THRB: variants seen among roughly 807,000 people sequenced by gnomAD.
THRB encodes nuclear receptor subfamily 1 group A member 2.
A neutral mutation model predicts 47.8 loss-of-function variants in THRB; 12 were observed. The ratio of observed to expected loss-of-function variants is 0.25; its 90% CI spans 0.16 to 0.41. The LOEUF (loss-of-function observed/expected upper bound fraction) is 0.41, where lower values mean the gene tolerates loss of function less well. Among genes scored for constraint, THRB ranks in the 10% least tolerant of loss-of-function variants. THRB has a pLI of 1.00. For synonymous variants in THRB, 218 were observed against 212.2 expected, an observed-to-expected ratio of 1.03 and a Z score of -0.24; for missense variants, 348 against 589.2, an observed-to-expected ratio of 0.59 and a Z score of 4.24.
rs1046407290 is a variant in THRB at position 24,121,785 on chromosome 3, A to C, written c.*1099T>G. ...ATGAGGCAAGGAGCTTGAGGATCTA[A>C]CCAGGAGGAAGCGTCCTCCAGCCAT... On this transcript the variant is annotated 3_prime_UTR_variant, in exon 11 of 11. Coordinates refer to ENST00000646209, the MANE Select transcript of THRB (RefSeq NM_001354712.2). 4 of 152,358 alleles carry C rather than the reference A, an allele frequency of 2.6e-5. No individual in the cohort carries two copies. Among genetic ancestry groups the C allele is most frequent in the African/African-American group, 9.7e-5 (4 of 41,450 alleles). 9.4% of individuals were successfully genotyped at this position (152,358 alleles called of 1,614,324 possible).
At chr3:24,430,369 G>A (rs1214116309) in intron 1 of THRB, among the ~76,000 whole-genome samples, 1 of 152,092 alleles carries the variant, frequency 6.6e-6, no homozygotes, top group East Asian at 1.9e-4. Flanking sequence ...GAAGATCAAA[G>A]GGGAACTCAT....
rs574467224 is a variant in THRB, at chr3:24,481,868, G to A, written c.-261+12784C>T. On this transcript the variant is annotated intron_variant, in intron 1 of 10. Transcript: ENST00000646209. ...AAAAAAAAAAAAATCCAGAACAAGG[G>A]AATCCTGAGCAGGCTGGAATCCTGA... Among the ~76,000 whole-genome samples, 20 of 150,912 alleles carry A rather than the reference G, an allele frequency of 1.3e-4. 1 individual carries two copies. The South Asian group carries it at 4.2e-3, about 32-fold the overall frequency.
chr3:24,121,378 T>C lies in THRB; in HGVS notation c.*1506A>G, dbSNP rs1324663189. ...TGTTTTTAGGTAAATCTCACTGATATGGCTTATTTTCCCCAATATTTCCAG... is the reference window on the plus strand; with the variant it reads ...TGTTTTTAGGTAAATCTCACTGATACGGCTTATTTTCCCCAATATTTCCAG... On this transcript the variant is annotated 3_prime_UTR_variant, in exon 11 of 11. Transcript: ENST00000646209. 1.3e-5 allele frequency: 2 copies of C among 152,690 alleles called. No homozygotes were observed. The highest frequency in any genetic ancestry group is 2.9e-5 in the Non-Finnish European group (2 of 68,052). 9.5% of individuals were successfully genotyped at this position (152,690 alleles called of 1,614,324 possible). A position where few individuals can be genotyped will look rare whatever the true frequency, so the allele number is the denominator to read the frequency against.
At chr3:24,288,436 C>T (rs1052213411) in intron 3 of THRB, among the ~76,000 whole-genome samples, 21 of 152,332 alleles carry the variant, frequency 1.4e-4, no homozygotes, top group African/African-American at 5.1e-4. Flanking sequence ...GAACTAGGTT[C>T]TGCAGGATTC....
chr3:24,448,031 T>C (rs2072272454), intron 1 of THRB, among the ~76,000 whole-genome samples: 1 of 152,062 alleles, frequency 6.6e-6, no homozygotes, highest in Admixed American at 6.5e-5. Flanking sequence ...GCGATCTTGT[T>C]GGTCAGCAAG....
At chr3:24,394,980 T>C (rs1308357839) in intron 1 of THRB, among the ~76,000 whole-genome samples, 2 of 152,122 alleles carry the variant, frequency 1.3e-5, no homozygotes, top group African/African-American at 4.8e-5. Flanking sequence ...AAATTTATTA[T>C]TGGCATAGAT....
chr3:24,399,092 T>G (rs1202406751), intron 1 of THRB, among the ~76,000 whole-genome samples: 8 of 143,222 alleles, frequency 5.6e-5, no homozygotes, highest in East Asian at 2.1e-4. Context: ...GTGGGGGGAG[T>G]GGGGAGGGAT....
chr3:24,135,845 A>AT (rs2034578630), intron 8 of THRB, among the ~76,000 whole-genome samples: 2 of 114,118 alleles, frequency 1.8e-5, no homozygotes, highest in East Asian at 5.7e-4. Flanking sequence ...ATATATATAT[A>AT]TAATACATAA....
At chr3:24,321,241 G>A (rs1220845200) in intron 2 of THRB, among the ~76,000 whole-genome samples, 1 of 152,072 alleles carries the variant, frequency 6.6e-6, no homozygotes, top group East Asian at 1.9e-4. Flanking sequence ...GCACATCCCT[G>A]CAGACTCCAC....
rs550414642 is a variant in THRB, at chr3:24,154,381, T to G, written c.284-1891A>C. ...TACATGTGCTTAGCATTGTTCTAGG[T>G]GCTGAAAATACAAAAATGAGTAAGA... On this transcript the variant is annotated intron_variant, in intron 5 of 10. Coordinates refer to ENST00000646209, the MANE Select transcript of THRB (RefSeq NM_001354712.2). Among the ~76,000 whole-genome samples, 7 of 152,318 alleles carry G rather than the reference T, an allele frequency of 4.6e-5. No individual in the cohort carries two copies. In the South Asian group the frequency reaches 1.4e-3, roughly 32 times the overall value.
At chr3:24,248,684 T>G (rs2135148) in intron 3 of THRB, among the ~76,000 whole-genome samples, 27,048 of 152,122 alleles carry the variant, frequency 0.18, 3,326 homozygotes, top group African/African-American at 0.35. Flanking sequence ...CAGTAGTCAC[T>G]GCTGTCTGGA....
At chr3:24,269,297 ACACACACACACACACACACACACACG>A (rs2053002363) in intron 3 of THRB, among the ~76,000 whole-genome samples, 3 of 98,600 alleles carry the variant, frequency 3.0e-5, no homozygotes, top group East Asian at 3.4e-4. Context: ...ACACACACAC[ACACACACACACACACACACACACACG>A]TTATCTTTGC....
At chr3:24,273,078 T>C (rs2053521348) in intron 3 of THRB, among the ~76,000 whole-genome samples, 1 of 152,106 alleles carries the variant, frequency 6.6e-6, no homozygotes, top group Non-Finnish European at 1.5e-5. Flanking sequence ...AGCATTCAAA[T>C]GTACACGTGC....
rs749929890 is a variant in THRB at position 24,196,117 on chromosome 3, G to A, written c.23-5783C>T. Among the ~76,000 whole-genome samples, 4 of 152,248 alleles carry A rather than the reference G, an allele frequency of 2.6e-5. No individual in the cohort carries two copies. The East Asian group carries it at 7.7e-4, about 29-fold the overall frequency. On this transcript the variant is annotated intron_variant, in intron 4 of 10. Coordinates refer to ENST00000646209, the MANE Select transcript of THRB (RefSeq NM_001354712.2). ...ATTATCATCCCTGTTTTACATGTGT[G>A]GAAACTGAATTTAGAAAGTGATGTG...
intron 1 of THRB, among the ~76,000 whole-genome samples, chr3:24,344,670 T>A (rs955698992): frequency 6.8e-6 from 1 of 147,820 alleles, no homozygotes; most frequent in Non-Finnish European, 1.5e-5. Context: ...AACACACATA[T>A]ACACAAATAT....
chr3:24,416,359 T>C (rs928508049), intron 1 of THRB, among the ~76,000 whole-genome samples: 1 of 151,706 alleles, frequency 6.6e-6, no homozygotes, highest in Non-Finnish European at 1.5e-5. Context: ...GGCTCGCTGA[T>C]GGGATGAAGA....
chr3:24,432,953 C>G (rs2070593516), intron 1 of THRB, among the ~76,000 whole-genome samples: 1 of 151,972 alleles, frequency 6.6e-6, no homozygotes, highest in African/African-American at 2.4e-5. Flanking sequence ...TTTTATAATT[C>G]AGACCGCAGG....
chr3:24,213,619 C>G (rs1192456407), intron 4 of THRB, among the ~76,000 whole-genome samples: 1 of 152,134 alleles, frequency 6.6e-6, no homozygotes, highest in Non-Finnish European at 1.5e-5. Flanking sequence ...GAGGCCCTAG[C>G]AAAGGATCCA....
chr3:24,127,118 G>A (rs1475438763), intron 10 of THRB, among the ~76,000 whole-genome samples: 3 of 152,148 alleles, frequency 2.0e-5, no homozygotes, highest in African/African-American at 4.8e-5. Flanking sequence ...GCCTGCATCC[G>A]CGGTTTCCAC....
Sources: gnomAD v4.1 joint callset for allele counts (sites outside exome capture counted in the v4.1 genomes callset) on GRCh38, gnomAD v4.1.1 for gene constraint, MANE v1.5 for transcripts, NCBI Gene and HGNC (gene_info 2026-07-23, HGNC 2026-07-21) for gene names.